The following LRRTM4 variants were observed in gnomAD, a reference collection of about 807,000 sequenced individuals.
LRRTM4 encodes the protein leucine rich repeat transmembrane neuronal 4, also known as leucine-rich repeat transmembrane neuronal protein 4.
LRRTM4 carries 25 observed loss-of-function variants against 47.6 expected under a neutral mutation model. The observed-to-expected ratio is 0.53, with a 90% CI of 0.38 to 0.73. The LOEUF (loss-of-function observed/expected upper bound fraction) is 0.73, where lower values mean the gene tolerates loss of function less well. Among genes scored for constraint, LRRTM4 ranks in the 30% least tolerant of loss-of-function variants. The pLI, the probability that LRRTM4 is intolerant of heterozygous loss-of-function variation, is 0.00. For synonymous variants in LRRTM4, 311 were observed against 269.5 expected, an observed-to-expected ratio of 1.15 and a Z score of -1.51; for missense variants, 638 against 713.4, an observed-to-expected ratio of 0.89 and a Z score of 1.20.
intron 3 of LRRTM4, among the ~76,000 whole-genome samples, chr2:76,806,849 G>T (rs1262894463): frequency 6.6e-6 from 1 of 151,872 alleles, no homozygotes; most frequent in Non-Finnish European, 1.5e-5. Flanking sequence ...ACTTAGAAAA[G>T]ATAAATGTCT....
intron 3 of LRRTM4, among the ~76,000 whole-genome samples, chr2:76,944,093 T>G (rs1470418205): frequency 6.6e-6 from 1 of 152,176 alleles, no homozygotes; most frequent in Non-Finnish European, 1.5e-5. Context: ...ACCTGTGATG[T>G]CCTTCATAAT....
intron 3 of LRRTM4, among the ~76,000 whole-genome samples, chr2:76,962,329 G>A (rs756720479): frequency 1.3e-5 from 2 of 151,128 alleles, no homozygotes; most frequent in Non-Finnish European, 3.0e-5. Flanking sequence ...ATGTGTAGCA[G>A]TGGTTACAAA....
intron 3 of LRRTM4, among the ~76,000 whole-genome samples, chr2:76,966,704 T>C (rs975968687): frequency 6.6e-6 from 1 of 151,480 alleles, no homozygotes; most frequent in African/African-American, 2.4e-5. Flanking sequence ...GTCCCAAAAA[T>C]ACTAGTGTCA....
intron 3 of LRRTM4, among the ~76,000 whole-genome samples, chr2:77,023,994 G>T (rs191091854): frequency 2.6e-5 from 4 of 152,302 alleles, no homozygotes; most frequent in East Asian, 3.9e-4. Context: ...GTTCCACATG[G>T]CTGGGGAGGC....
At chr2:76,789,350 C>G (rs1350836048) in intron 3 of LRRTM4, among the ~76,000 whole-genome samples, 4 of 152,166 alleles carry the variant, frequency 2.6e-5, no homozygotes, top group Non-Finnish European at 5.9e-5. Context: ...ACTGCTGTCC[C>G]TCGCAGCCTC....
intron 3 of LRRTM4, among the ~76,000 whole-genome samples, chr2:76,986,526 G>A (rs1482632589): frequency 1.3e-5 from 2 of 151,848 alleles, no homozygotes; most frequent in Admixed American, 6.6e-5. Flanking sequence ...CATTACAGAA[G>A]ACATGTAACT....
chr2:77,505,692 A>T (rs1678740430), intron 3 of LRRTM4, among the ~76,000 whole-genome samples: 1 of 151,642 alleles, frequency 6.6e-6, no homozygotes, highest in Admixed American at 6.6e-5. Flanking sequence ...TACTAAAATG[A>T]ATGCATATAA....
At chr2:77,463,641 G>C (rs939994872) in intron 3 of LRRTM4, among the ~76,000 whole-genome samples, 1 of 152,060 alleles carries the variant, frequency 6.6e-6, no homozygotes, top group Non-Finnish European at 1.5e-5. Flanking sequence ...TTCTAAAAGT[G>C]ATGCTGAGAT....
At chr2:76,968,932 G>C (rs553424746) in intron 3 of LRRTM4, among the ~76,000 whole-genome samples, 22 of 151,706 alleles carry the variant, frequency 1.5e-4, no homozygotes, top group South Asian at 4.2e-4. Context: ...CAGTGCCTAG[G>C]GATTTGTCAA....
chr2:77,504,275 T>C (rs1390557215), intron 3 of LRRTM4, among the ~76,000 whole-genome samples: 3 of 151,654 alleles, frequency 2.0e-5, no homozygotes, highest in Admixed American at 2.0e-4. Flanking sequence ...CCATAGCTTT[T>C]TGTACTATAG....
At chr2:77,124,444 G>T (rs1671604013) in intron 3 of LRRTM4, among the ~76,000 whole-genome samples, 1 of 152,038 alleles carries the variant, frequency 6.6e-6, no homozygotes, top group Non-Finnish European at 1.5e-5. Context: ...AGACAAAATT[G>T]GTTGTAAATT....
chr2:77,503,190 A>G (rs925483617), intron 3 of LRRTM4, among the ~76,000 whole-genome samples: 1 of 151,680 alleles, frequency 6.6e-6, no homozygotes. Context: ...AACAAATTCA[A>G]TGGAACAAGA....
intron 3 of LRRTM4, among the ~76,000 whole-genome samples, chr2:77,115,252 A>G (rs1261429239): frequency 6.6e-6 from 1 of 152,188 alleles, no homozygotes; most frequent in African/African-American, 2.4e-5. Context: ...CCCCGCAGGC[A>G]GTCAGACCTT....
chr2:77,194,917 A>C (rs1450471814), intron 3 of LRRTM4, among the ~76,000 whole-genome samples: 4 of 152,130 alleles, frequency 2.6e-5, no homozygotes, highest in Non-Finnish European at 5.9e-5. Flanking sequence ...AAAGAAAAAA[A>C]AAACAAGGAA....
chr2:77,461,908 G>C (rs1420855464), intron 3 of LRRTM4, among the ~76,000 whole-genome samples: 1 of 152,008 alleles, frequency 6.6e-6, no homozygotes, highest in African/African-American at 2.4e-5. Context: ...AGCAAAAACT[G>C]GTTGTTTTGC....
At chr2:77,035,547 CT>C (rs1678808394) in intron 3 of LRRTM4, among the ~76,000 whole-genome samples, 1 of 151,720 alleles carries the variant, frequency 6.6e-6, no homozygotes, top group African/African-American at 2.4e-5. Flanking sequence ...TAGTGTTTTG[CT>C]TTTCTTTTAA....
intron 3 of LRRTM4, among the ~76,000 whole-genome samples, chr2:77,180,221 A>G (rs1167837336): frequency 6.6e-6 from 1 of 152,152 alleles, no homozygotes; most frequent in African/African-American, 2.4e-5. Flanking sequence ...TGACAGCACC[A>G]GAGAGATATT....
rs1671762737 is a variant in LRRTM4, at chr2:76,843,914, T to TC, written c.1552-94999_1552-94998insG. Among the ~76,000 whole-genome samples, 6 of 151,054 alleles carry TC rather than the reference T, an allele frequency of 4.0e-5. No homozygotes were observed. In the South Asian group the frequency reaches 1.3e-3, roughly 32 times the overall value. On this transcript the variant is annotated intron_variant, in intron 3 of 3. Transcript: ENST00000409884. ...GATAATTTCTTTCTTTTTTCATTTT[T>TC]TTTTTTTTTTTGAGATGGAGTCTCA...
rs1293407763 is a variant in LRRTM4, at chr2:77,308,074, CATATATAG to C, written c.1551+210236_1551+210243del. Among the ~76,000 whole-genome samples the C allele has an allele frequency of 9.5e-4, 132 of 138,646 alleles. 1 individual carries two copies. Among genetic ancestry groups the C allele is most frequent in the African/African-American group, 3.1e-3 (116 of 37,388 alleles). The allele number at this position is 138,646 out of a possible 152,430, so 91.0% of individuals were successfully genotyped here. ...ATTATATATCTATATATCTATATAA[CATATATAG>C]ATATATAGATATATATGTATATGTT... is the stretch of plus-strand genomic sequence containing the variant. On this transcript the variant is annotated intron_variant, in intron 3 of 3. Transcript: ENST00000409884.
Sources: allele counts gnomAD v4.1 joint callset (sites outside exome capture counted in the v4.1 genomes callset), GRCh38; gene constraint gnomAD v4.1.1; transcripts MANE v1.5; gene names NCBI Gene and HGNC (gene_info 2026-07-23, HGNC 2026-07-21).